The following SQSTM1 variants were observed in gnomAD, a reference collection of about 807,000 sequenced individuals.
SQSTM1 encodes the protein sequestosome-1.
Under a neutral mutation model 45.1 loss-of-function variants are expected in SQSTM1, and 36 were observed. The ratio of observed to expected loss-of-function variants is 0.80; its 90% CI spans 0.61 to 1.05. SQSTM1 has a LOEUF of 1.05. Ranked by LOEUF, SQSTM1 falls within the 50% of genes least tolerant of loss-of-function variation. The probability of loss-of-function intolerance (pLI) is 0.00; values close to 1 mark genes in which losing one functional copy is unlikely to be tolerated. For missense variants in SQSTM1, 617 were observed against 607.1 expected (o/e 1.02, Z -0.17); for synonymous variants, 290 against 244.3 (o/e 1.19, Z -1.74).
chr5:179,822,708 C>T (rs1302739830), intron 1 of SQSTM1: 2 of 524,606 alleles, frequency 3.8e-6, no homozygotes, highest in African/African-American at 3.8e-5. Flanking sequence ...AAGCTGCTGC[C>T]CCTGTGCACA....
At chr5:179,825,842 A>G (rs1161344145) in intron 5 of SQSTM1, among the ~76,000 whole-genome samples, 3 of 151,544 alleles carry the variant, frequency 2.0e-5, no homozygotes, top group Non-Finnish European at 4.4e-5. Context: ...GGCTTTAGAA[A>G]GTGCCTGTTG....
Position 179,836,510 on chromosome 5 carries a change from A to G in SQSTM1, c.1240A>G (p.Thr414Ala). The change falls in exon 8 of 8, where the codon ACC becomes GCC. Residue 414 changes from threonine (T) to alanine (A), a missense_variant. By Grantham distance (58) the Thr-to-Ala change is moderately conservative. Transcript: ENST00000389805. ...MGFSDEGGWLTRLLQTKNYDI... is the reference protein window; with the variant it reads ...MGFSDEGGWLARLLQTKNYDI... ...CTTCTCTGATGAAGGCGGCTGGCTC[A>G]CCAGGCTCCTGCAGACCAAGAACTA... 6.2e-7 allele frequency: 1 copy of G among 1,614,146 alleles called. No individual in the cohort carries two copies. The highest frequency in any genetic ancestry group is 8.5e-7 in the Non-Finnish European group (1 of 1,180,034).
upstream of SQSTM1, among the ~76,000 whole-genome samples, chr5:179,814,098 C>T (rs1436380539): frequency 4.6e-5 from 7 of 152,294 alleles, no homozygotes. Context: ...GAGTTCCTGA[C>T]CAGCCTGTGC....
At chr5:179,815,520 C>T (rs2712962), upstream of SQSTM1, among the ~76,000 whole-genome samples, 6 of 152,140 alleles carry the variant, frequency 3.9e-5, no homozygotes, top group African/African-American at 1.2e-4. Context: ...TGGCTTAAGC[C>T]GTTTTATAAC....
At chr5:179,825,492 T>G (rs1561599247) in intron 5 of SQSTM1, among the ~76,000 whole-genome samples, 1 of 152,236 alleles carries the variant, frequency 6.6e-6, no homozygotes, top group Non-Finnish European at 1.5e-5. Flanking sequence ...GTGACCAGAC[T>G]GTGGTTGCAG....
Position 179,823,371 on chromosome 5 carries a change from C to T in SQSTM1, c.301+318C>T, listed in dbSNP as rs534742901. ...GTCCCAGCTACTCAGGAGGCTGAGA[C>T]GAGAATCACTTAAACCTGGAGAGCG... On this transcript the variant is annotated intron_variant, in intron 2 of 7. Coordinates refer to ENST00000389805, the MANE Select transcript of SQSTM1 (RefSeq NM_003900.5). Among the ~76,000 whole-genome samples, 11 of 126,194 alleles carry T rather than the reference C, an allele frequency of 8.7e-5. No individual in the cohort carries two copies. In the South Asian group the frequency reaches 2.0e-3, roughly 23 times the overall value. 82.8% of individuals were successfully genotyped at this position (126,194 alleles called of 152,430 possible). A position where few individuals can be genotyped will look rare whatever the true frequency, so the allele number is the denominator to read the frequency against.
upstream of SQSTM1, among the ~76,000 whole-genome samples, chr5:179,816,112 G>A (rs549718647): frequency 6.6e-6 from 1 of 152,174 alleles, no homozygotes; most frequent in Admixed American, 6.5e-5. Flanking sequence ...AGCATTGGGA[G>A]CAAGAAGGGT....
chr5:179,827,215 C>G (rs1435835882), intron 5 of SQSTM1, among the ~76,000 whole-genome samples: 1 of 152,206 alleles, frequency 6.6e-6, no homozygotes, highest in East Asian at 1.9e-4. Context: ...GTCACACTGT[C>G]TCAAGACCCA....
upstream of SQSTM1, among the ~76,000 whole-genome samples, chr5:179,815,293 T>G (rs1757548004): frequency 6.6e-6 from 1 of 151,992 alleles, no homozygotes; most frequent in Non-Finnish European, 1.5e-5. Flanking sequence ...GGTGGGCGCC[T>G]GTAATCCCAG....
chr5:179,815,565 T>A (rs1025069401), upstream of SQSTM1, among the ~76,000 whole-genome samples: 1 of 152,152 alleles, frequency 6.6e-6, no homozygotes, highest in African/African-American at 2.4e-5. Flanking sequence ...AGGGGTCAGA[T>A]ACTGAGATCA....
At chr5:179,833,341 A>G in intron 6 of SQSTM1, 95 bp downstream of exon 6, 2 of 1,264,518 alleles carry the variant, frequency 1.6e-6, no homozygotes, top group South Asian at 1.3e-5. Flanking sequence ...CTGCAGCCCC[A>G]CTTACAAACC....
At chr5:179,826,930 C>T (rs1042251761) in intron 5 of SQSTM1, among the ~76,000 whole-genome samples, 17 of 152,000 alleles carry the variant, frequency 1.1e-4, no homozygotes, top group African/African-American at 3.6e-4. Flanking sequence ...AGTGGAACAC[C>T]GAGGTCATGA....
intron 2 of SQSTM1, 110 bp downstream of exon 2, chr5:179,823,163 A>G (rs1003990278): frequency 1.1e-5 from 11 of 1,038,128 alleles, no homozygotes; most frequent in Non-Finnish European, 1.6e-5. Context: ...CAGCAATTTG[A>G]GGGCTGTTTA....
intron 1 of SQSTM1, chr5:179,822,456 C>T (rs375995544): frequency 2.0e-5 from 5 of 246,820 alleles, no homozygotes; most frequent in Non-Finnish European, 4.1e-5. Context: ...CAAATGGAGA[C>T]TACATACAAA....
chr5:179,836,293 T>G, intron 7 of SQSTM1, 143 bp from the exon 8 acceptor site: 2 of 1,081,186 alleles, frequency 1.8e-6, no homozygotes, highest in Non-Finnish European at 2.8e-6. Flanking sequence ...GCAGGTCCAC[T>G]GTGGCCTGTG....
chr5:179,830,170 G>T (rs1019926205), intron 5 of SQSTM1, among the ~76,000 whole-genome samples: 1 of 152,102 alleles, frequency 6.6e-6, no homozygotes, highest in Non-Finnish European at 1.5e-5. Flanking sequence ...TGGCAATGAG[G>T]CCATTATCTT....
chr5:179,814,543 C>T (rs1757523734), upstream of SQSTM1, among the ~76,000 whole-genome samples: 1 of 152,228 alleles, frequency 6.6e-6, no homozygotes. Context: ...CAAGGGTCCC[C>T]TGGGGTCTCT....
At position 179,837,601 on chromosome 5, in the gene SQSTM1, T is replaced by G; in HGVS notation, c.*1008T>G. On this transcript the variant is annotated 3_prime_UTR_variant, in exon 8 of 8. Coordinates refer to ENST00000389805, the MANE Select transcript of SQSTM1 (RefSeq NM_003900.5). ...CAGCGGCAGTGGGCCTGCTGAGGCCTTCTCTTGAGGCCTGTGCTCTGGGGG... is the reference window on the plus strand; with the variant it reads ...CAGCGGCAGTGGGCCTGCTGAGGCCGTCTCTTGAGGCCTGTGCTCTGGGGG... 6.2e-7 allele frequency: 1 copy of G among 1,614,072 alleles called. No homozygotes were observed. Among genetic ancestry groups the G allele is most frequent in the Non-Finnish European group, 8.5e-7 (1 of 1,179,936 alleles).
At chr5:179,825,080 G>T in intron 4 of SQSTM1, 66 bp from the exon 5 acceptor site, 1 of 1,535,696 alleles carries the variant, frequency 6.5e-7, no homozygotes, top group South Asian at 1.1e-5. Flanking sequence ...GCAAGAAGGT[G>T]ACAGGACTGT....
Sources: allele counts gnomAD v4.1 joint callset (sites outside exome capture counted in the v4.1 genomes callset), GRCh38; gene constraint gnomAD v4.1.1; transcripts MANE v1.5; gene names NCBI Gene and HGNC (gene_info 2026-07-23, HGNC 2026-07-21).